Variants in LRIG1 observed in about 807,000 individuals in gnomAD.
LRIG1 encodes leucine-rich repeats and immunoglobulin-like domains protein 1.
LRIG1 carries 48 observed loss-of-function variants against 99.2 expected under a neutral mutation model. That is an observed-to-expected ratio of 0.48 (90% CI 0.38 to 0.62). The LOEUF is 0.62. Ranked by LOEUF, LRIG1 falls within the 20% of genes least tolerant of loss-of-function variation. The probability of loss-of-function intolerance (pLI) is 0.00; values close to 1 mark genes in which losing one functional copy is unlikely to be tolerated. For synonymous variants in LRIG1, 772 were observed against 596.1 expected (o/e 1.29, Z -4.30); for missense variants, 1,646 against 1,434.4 (o/e 1.15, Z -2.38).
intron 3 of LRIG1, among the ~76,000 whole-genome samples, chr3:66,429,822 GAA>G (rs1200289208): frequency 6.6e-6 from 1 of 151,384 alleles, no homozygotes; most frequent in African/African-American, 2.4e-5. Context: ...GGGGGAGAGA[GAA>G]GAGATGGCGG....
intron 17 of LRIG1, 99 bp downstream of exon 17, chr3:66,381,380 T>C (rs578170621): frequency 2.4e-6 from 3 of 1,234,550 alleles, no homozygotes; most frequent in Non-Finnish European, 3.5e-6. Context: ...TGGAGACAGC[T>C]GTGGACTAGG....
At chr3:66,492,412 G>A (rs1701121345) in intron 1 of LRIG1, among the ~76,000 whole-genome samples, 1 of 152,052 alleles carries the variant, frequency 6.6e-6, no homozygotes. Context: ...AAAGTTGTGA[G>A]TTGTTTTTTT....
chr3:66,399,903 A>C (rs925025837), intron 9 of LRIG1, among the ~76,000 whole-genome samples: 1 of 152,220 alleles, frequency 6.6e-6, no homozygotes, highest in Non-Finnish European at 1.5e-5. Flanking sequence ...AGCTGTCTGC[A>C]CCTGAGATGT....
chr3:66,486,700 T>C (rs766752804), intron 1 of LRIG1, among the ~76,000 whole-genome samples: 8 of 152,252 alleles, frequency 5.3e-5, no homozygotes, highest in East Asian at 1.9e-4. Flanking sequence ...TTGTTTTCCA[T>C]GTATGGACAT....
At chr3:66,491,159 C>A (rs1373234576) in intron 1 of LRIG1, among the ~76,000 whole-genome samples, 1 of 152,194 alleles carries the variant, frequency 6.6e-6, no homozygotes, top group African/African-American at 2.4e-5. Context: ...AAAGCAGCCT[C>A]AAGTAGCCAC....
chr3:66,417,458 A>C, intron 3 of LRIG1, 192 bp from the exon 4 acceptor site: 1 of 613,908 alleles, frequency 1.6e-6, no homozygotes, highest in Admixed American at 3.0e-5. Flanking sequence ...TTGGATTTTC[A>C]ATCTGGGACA....
At chr3:66,438,388 C>T (rs2106767839) in intron 3 of LRIG1, among the ~76,000 whole-genome samples, 1 of 152,298 alleles carries the variant, frequency 6.6e-6, no homozygotes, top group Admixed American at 6.5e-5. Flanking sequence ...ACAGCCCAGG[C>T]CTCCAGTAGG....
At chr3:66,441,320 A>G (rs1001861164) in intron 3 of LRIG1, among the ~76,000 whole-genome samples, 2 of 152,168 alleles carry the variant, frequency 1.3e-5, no homozygotes, top group African/African-American at 4.8e-5. Flanking sequence ...CCTTGAAGTG[A>G]TGTCTTCGGG....
chr3:66,455,196 C>T (rs1349175371), intron 2 of LRIG1, among the ~76,000 whole-genome samples: 4 of 152,206 alleles, frequency 2.6e-5, no homozygotes, highest in East Asian at 3.9e-4. Flanking sequence ...CCGCCCTTCT[C>T]GGCCTCTCAA....
intron 7 of LRIG1, among the ~76,000 whole-genome samples, chr3:66,408,531 C>T (rs965792741): frequency 6.6e-6 from 1 of 152,190 alleles, no homozygotes; most frequent in Non-Finnish European, 1.5e-5. Context: ...CTTCCACCAG[C>T]TAGAGAGGGG....
At chr3:66,494,363 C>T (rs1488094797) in intron 1 of LRIG1, among the ~76,000 whole-genome samples, 3 of 152,256 alleles carry the variant, frequency 2.0e-5, no homozygotes, top group Middle Eastern at 3.4e-3. Flanking sequence ...TGACCACCAG[C>T]GGCAAGAGCC....
intron 1 of LRIG1, among the ~76,000 whole-genome samples, chr3:66,464,206 G>C (rs1435077460): frequency 6.6e-6 from 1 of 152,188 alleles, no homozygotes; most frequent in Admixed American, 6.5e-5. Context: ...AAGATACTGG[G>C]AGTTTACGAT....
chr3:66,440,109 G>A (rs1174217539), intron 3 of LRIG1, among the ~76,000 whole-genome samples: 1 of 152,106 alleles, frequency 6.6e-6, no homozygotes, highest in African/African-American at 2.4e-5. Flanking sequence ...GAGGAACAAT[G>A]CCTTTCAGTT....
intron 12 of LRIG1, among the ~76,000 whole-genome samples, chr3:66,389,014 C>T (rs908577909): frequency 2.0e-5 from 3 of 152,100 alleles, no homozygotes; most frequent in Non-Finnish European, 4.4e-5. Context: ...TAAAAGACAA[C>T]TACATAAACC....
chr3:66,379,278 G>C lies in LRIG1; in HGVS notation c.*985C>G, dbSNP rs923140220. ...TCTGTGCGAAGGAATGGCATGGACA[G>C]GCCTGCTCTGGGTCCTTAGTAGAAA... On this transcript the variant is annotated 3_prime_UTR_variant, in exon 19 of 19. Coordinates refer to ENST00000273261, the MANE Select transcript of LRIG1 (RefSeq NM_015541.3). 6.6e-6 allele frequency: 1 copy of C among 152,620 alleles called. No individual in the cohort carries two copies. Among genetic ancestry groups the C allele is most frequent in the Non-Finnish European group, 1.5e-5 (1 of 68,028 alleles). 9.5% of individuals were successfully genotyped at this position (152,620 alleles called of 1,614,324 possible).
intron 1 of LRIG1, among the ~76,000 whole-genome samples, chr3:66,489,050 T>C (rs1701039818): frequency 1.3e-5 from 2 of 152,152 alleles, no homozygotes; most frequent in Admixed American, 6.5e-5. Flanking sequence ...ACAGTTTTCT[T>C]TGGGCCAGAG....
intron 12 of LRIG1, 58 bp from the exon 13 acceptor site, chr3:66,386,359 C>G: frequency 6.9e-7 from 1 of 1,439,140 alleles, no homozygotes; most frequent in Non-Finnish European, 9.6e-7. Flanking sequence ...GAGGAACCAG[C>G]TGCTGTTCAT....
At chr3:66,431,355 C>A (rs1703165770) in intron 3 of LRIG1, among the ~76,000 whole-genome samples, 2 of 152,186 alleles carry the variant, frequency 1.3e-5, no homozygotes, top group Non-Finnish European at 2.9e-5. Flanking sequence ...TGGCAACGAT[C>A]AAGAATGAGG....
At chr3:66,421,885 A>G (rs1702826223) in intron 3 of LRIG1, among the ~76,000 whole-genome samples, 1 of 152,214 alleles carries the variant, frequency 6.6e-6, no homozygotes, top group South Asian at 2.1e-4. Context: ...ATGCTCTGAA[A>G]TCTAGGCAGA....
Sources: allele counts gnomAD v4.1 joint callset (sites outside exome capture counted in the v4.1 genomes callset), GRCh38; gene constraint gnomAD v4.1.1; transcripts MANE v1.5; gene names NCBI Gene and HGNC (gene_info 2026-07-23, HGNC 2026-07-21).